ST6GALNAC3: variants seen among roughly 807,000 people sequenced by gnomAD.
ST6GALNAC3 encodes ST6 N-acetylgalactosaminide alpha-2,6-sialyltransferase 3, also known as alpha-N-acetylgalactosaminide alpha-2,6-sialyltransferase 3.
ST6GALNAC3 carries 25 observed loss-of-function variants against 32.7 expected under a neutral mutation model. That is an observed-to-expected ratio of 0.76 (90% confidence interval 0.56 to 1.07). The LOEUF (loss-of-function observed/expected upper bound fraction) is 1.07, where lower values mean the gene tolerates loss of function less well. Ranked by LOEUF, ST6GALNAC3 falls within the 50% of genes least tolerant of loss-of-function variation. The pLI is 0.00. For synonymous variants in ST6GALNAC3, 129 were observed against 133.1 expected (o/e 0.97, Z 0.21); for missense variants, 355 against 382.4 (o/e 0.93, Z 0.60).
chr1:76,179,023 C>A (rs1653017034), intron 1 of ST6GALNAC3, among the ~76,000 whole-genome samples: 1 of 152,170 alleles, frequency 6.6e-6, no homozygotes, highest in Admixed American at 6.5e-5. Context: ...CTGCTCGGCT[C>A]AGTGGGCTCC....
chr1:76,391,276 T>A (rs575877924), intron 2 of ST6GALNAC3, among the ~76,000 whole-genome samples: 24 of 152,088 alleles, frequency 1.6e-4, no homozygotes, highest in Non-Finnish European at 2.8e-4. Flanking sequence ...ATCAATATAG[T>A]TGTTATTATG....
Position 76,525,712 on chromosome 1 carries a change from C to A in ST6GALNAC3, c.624-101740C>A, listed in dbSNP as rs367865465. On this transcript the variant is annotated intron_variant, in intron 3 of 4. Transcript: ENST00000328299. ...CCTGAATATTACATTTTTCATTAAA[C>A]AACTATATATATGTGTGTGTATATG... Among the ~76,000 whole-genome samples the A allele has an allele frequency of 8.4e-4, 124 of 147,034 alleles. 2 individuals are homozygous for A. In the East Asian group the frequency reaches 0.023, roughly 28 times the overall value.
intron 1 of ST6GALNAC3, among the ~76,000 whole-genome samples, chr1:76,117,904 G>A (rs945973317): frequency 2.0e-5 from 3 of 152,104 alleles, no homozygotes; most frequent in Admixed American, 6.5e-5. Context: ...GATAAAATGA[G>A]GTAATAATAG....
intron 1 of ST6GALNAC3, among the ~76,000 whole-genome samples, chr1:76,147,496 C>G (rs185864082): frequency 6.9e-4 from 105 of 152,334 alleles, no homozygotes; most frequent in African/African-American, 2.2e-3. Context: ...TGCAATCAAT[C>G]TTCCCCCTTC....
At chr1:76,578,477 A>G (rs1164334069) in intron 3 of ST6GALNAC3, among the ~76,000 whole-genome samples, 2 of 151,936 alleles carry the variant, frequency 1.3e-5, no homozygotes, top group Non-Finnish European at 2.9e-5. Context: ...GGATTCTTTG[A>G]CCTTTGATAT....
chr1:76,382,520 C>T (rs185297475), intron 2 of ST6GALNAC3, among the ~76,000 whole-genome samples: 14 of 152,070 alleles, frequency 9.2e-5, no homozygotes, highest in Non-Finnish European at 1.8e-4. Context: ...ATAAAAATAA[C>T]GGATCAAAGC....
At chr1:76,229,811 C>A (rs1227929287) in intron 1 of ST6GALNAC3, among the ~76,000 whole-genome samples, 1 of 152,190 alleles carries the variant, frequency 6.6e-6, no homozygotes, top group Non-Finnish European at 1.5e-5. Context: ...CAGTAAAGCA[C>A]ATTGCTAAAT....
intron 1 of ST6GALNAC3, among the ~76,000 whole-genome samples, chr1:76,260,721 A>G (rs1351100603): frequency 1.3e-5 from 2 of 152,156 alleles, no homozygotes. Flanking sequence ...TAATTTTGTG[A>G]TAAAACAGGA....
intron 2 of ST6GALNAC3, among the ~76,000 whole-genome samples, chr1:76,333,776 A>G (rs759300398): frequency 2.2e-4 from 33 of 152,290 alleles, no homozygotes; most frequent in South Asian, 2.1e-4. Flanking sequence ...ATGCAGTGGG[A>G]GGTACAAAGA....
intron 1 of ST6GALNAC3, among the ~76,000 whole-genome samples, chr1:76,241,304 G>T (rs886531070): frequency 4.6e-5 from 7 of 152,174 alleles, no homozygotes; most frequent in Non-Finnish European, 1.0e-4. Flanking sequence ...ATCTAGGAAA[G>T]TTCAAGGTTG....
intron 1 of ST6GALNAC3, among the ~76,000 whole-genome samples, chr1:76,167,903 G>A (rs1030316853): frequency 3.3e-5 from 5 of 151,940 alleles, no homozygotes; most frequent in African/African-American, 4.8e-5. Flanking sequence ...TTAGCTAGTG[G>A]TATGTCTGTT....
intron 2 of ST6GALNAC3, among the ~76,000 whole-genome samples, chr1:76,389,400 A>T (rs112583509): frequency 2.0e-5 from 3 of 152,186 alleles, no homozygotes; most frequent in Admixed American, 1.3e-4. Flanking sequence ...TTTATTCAAC[A>T]TGGAACAGAA....
In ST6GALNAC3 at chr1:76,106,576, C is replaced by T. The variant is rs72990787; in HGVS notation, c.18+31692C>T. On this transcript the variant is annotated intron_variant, in intron 1 of 4. Coordinates refer to ENST00000328299, the MANE Select transcript of ST6GALNAC3 (RefSeq NM_152996.4). ...CTTTGTGTAGGAATTGGATGGTGCA[C>T]CCATGCTCCTCAAATGCTGAAGCAG... is the stretch of plus-strand genomic sequence containing the variant. 1.6e-3 allele frequency among the ~76,000 whole-genome samples: 247 copies of T among 152,220 alleles called. 1 individual carries two copies. The highest frequency in any genetic ancestry group is 5.6e-3 in the African/African-American group (231 of 41,530).
rs964415546 is a variant in ST6GALNAC3 at position 76,436,463 on chromosome 1, C to T, written c.623+24046C>T. ...TCAGGATTTTTTAATTTAATGAGTG[C>T]TGTGTAACACTTAAGAAATCAAGGC... On this transcript the variant is annotated intron_variant, in intron 3 of 4. Coordinates refer to ENST00000328299, the MANE Select transcript of ST6GALNAC3 (RefSeq NM_152996.4). 1.4e-4 allele frequency among the ~76,000 whole-genome samples: 22 copies of T among 152,166 alleles called. 4 individuals carry two copies. The highest frequency in any genetic ancestry group is 9.8e-4 in the Admixed American group (15 of 15,282).
At chr1:76,075,608 T>C (rs1374974030) in intron 1 of ST6GALNAC3, among the ~76,000 whole-genome samples, 1 of 152,214 alleles carries the variant, frequency 6.6e-6, no homozygotes, top group Non-Finnish European at 1.5e-5. Context: ...CCTGAGCATC[T>C]TTCTGGGTTC....
chr1:76,182,419 A>C (rs1315411691), intron 1 of ST6GALNAC3, among the ~76,000 whole-genome samples: 1 of 152,168 alleles, frequency 6.6e-6, no homozygotes, highest in African/African-American at 2.4e-5. Flanking sequence ...GCACCTGCTA[A>C]ATCCTTTAGT....
At chr1:76,096,627 G>T (rs894433924) in intron 1 of ST6GALNAC3, among the ~76,000 whole-genome samples, 14 of 150,936 alleles carry the variant, frequency 9.3e-5, no homozygotes, top group East Asian at 3.9e-4. Flanking sequence ...AATAATGAAG[G>T]AAAGTGCACC....
chr1:76,140,412 G>T (rs776182499), intron 1 of ST6GALNAC3, among the ~76,000 whole-genome samples: 23 of 152,072 alleles, frequency 1.5e-4, no homozygotes, highest in Non-Finnish European at 2.4e-4. Flanking sequence ...GCCTGATGGG[G>T]GTTAGGTTGG....
At chr1:76,081,157 G>C (rs1047677782) in intron 1 of ST6GALNAC3, among the ~76,000 whole-genome samples, 11 of 152,192 alleles carry the variant, frequency 7.2e-5, no homozygotes, top group African/African-American at 2.4e-4. Context: ...ATGGAGGTGG[G>C]GTTCACCCTG....
Sources: gnomAD v4.1 joint callset for allele counts (sites outside exome capture counted in the v4.1 genomes callset) on GRCh38, gnomAD v4.1.1 for gene constraint, MANE v1.5 for transcripts, NCBI Gene and HGNC (gene_info 2026-07-23, HGNC 2026-07-21) for gene names.